SHANK2: variants seen among roughly 807,000 people sequenced by gnomAD.
SHANK2 encodes the protein SH3 and multiple ankyrin repeat domains protein 2.
Under a neutral mutation model 133.7 loss-of-function variants are expected in SHANK2, and 43 were observed. That is an observed-to-expected ratio of 0.32 (90% confidence interval 0.25 to 0.41). The LOEUF (loss-of-function observed/expected upper bound fraction) is 0.41, where lower values mean the gene tolerates loss of function less well. SHANK2 is among the 10% of genes least tolerant of loss of function. SHANK2 has a pLI of 1.00. For synonymous variants in SHANK2, 1,017 were observed against 952.8 expected (o/e 1.07, Z -1.24); for missense variants, 1,994 against 2,235.8 (o/e 0.89, Z 2.18).
At chr11:70,760,656 G>A (rs1266857700) in intron 14 of SHANK2, among the ~76,000 whole-genome samples, 1 of 152,244 alleles carries the variant, frequency 6.6e-6, no homozygotes, top group African/African-American at 2.4e-5. Context: ...ACAGTGCTGT[G>A]GGAGTGTGCA....
intron 17 of SHANK2, among the ~76,000 whole-genome samples, chr11:70,623,901 C>T (rs2060867837): frequency 6.6e-6 from 1 of 152,208 alleles, no homozygotes; most frequent in South Asian, 2.1e-4. Context: ...CAGCCTATGG[C>T]CCCTCCCAGG....
At chr11:70,602,298 A>G (rs1300337839) in intron 17 of SHANK2, among the ~76,000 whole-genome samples, 1 of 152,190 alleles carries the variant, frequency 6.6e-6, no homozygotes, top group Non-Finnish European at 1.5e-5. Flanking sequence ...CCAGTCATAG[A>G]TATTTCTTTA....
intron 15 of SHANK2, among the ~76,000 whole-genome samples, chr11:70,662,956 C>T (rs529516179): frequency 5.9e-5 from 9 of 152,204 alleles, no homozygotes; most frequent in East Asian, 3.9e-4. Context: ...TGCTGCTGCC[C>T]GGAAGTTAGT....
At chr11:70,684,492 C>T (rs531408175) in intron 15 of SHANK2, among the ~76,000 whole-genome samples, 1 of 152,222 alleles carries the variant, frequency 6.6e-6, no homozygotes, top group East Asian at 1.9e-4. Context: ...CCCAGGAATT[C>T]AAGGCTGCAA....
At chr11:71,209,495 C>T (rs1311450812) in intron 2 of SHANK2, among the ~76,000 whole-genome samples, 9 of 152,140 alleles carry the variant, frequency 5.9e-5, no homozygotes, top group African/African-American at 2.2e-4. Context: ...TTGCATAGGT[C>T]GTGCCTCCTC....
At chr11:71,247,550 C>G (rs1294311021) in intron 1 of SHANK2, among the ~76,000 whole-genome samples, 2 of 151,674 alleles carry the variant, frequency 1.3e-5, no homozygotes, top group African/African-American at 4.8e-5. Context: ...CCCAGCCCAG[C>G]AGGGCCATGG....
chr11:71,160,907 TCCAAAGAAGATGGCTTCC>T (rs1953001385), intron 2 of SHANK2, among the ~76,000 whole-genome samples: 1 of 152,240 alleles, frequency 6.6e-6, no homozygotes, highest in Non-Finnish European at 1.5e-5. Context: ...CATGTCTGTC[TCCAAAGAAGATGGCTTCC>T]AATAGAAACC....
chr11:71,075,145 C>T lies in SHANK2; in HGVS notation c.1029+14G>A, dbSNP rs915669209. ...CTGTATACATTATTTCCTTTAAATG[C>T]GCTCAGCACTCACCTGGTTGTAGAG... On this transcript the variant is annotated intron_variant, in intron 9 of 25. Coordinates refer to ENST00000601538, the MANE Select transcript of SHANK2 (RefSeq NM_012309.5). The T allele has an allele frequency of 1.0e-4, 20 of 192,362 alleles. No individual in the cohort carries two copies. The highest frequency in any genetic ancestry group is 2.4e-4 in the Admixed American group (4 of 16,550). 11.9% of individuals were successfully genotyped at this position (192,362 alleles called of 1,614,324 possible). A position where few individuals can be genotyped will look rare whatever the true frequency, so the allele number is the denominator to read the frequency against.
At chr11:70,912,922 A>C (rs553781778) in intron 10 of SHANK2, among the ~76,000 whole-genome samples, 3 of 152,242 alleles carry the variant, frequency 2.0e-5, no homozygotes, top group African/African-American at 4.8e-5. Flanking sequence ...CTGAGACAGG[A>C]ACAAAAATTG....
chr11:70,658,265 AC>A (rs2061435683), intron 17 of SHANK2, among the ~76,000 whole-genome samples: 1 of 106,770 alleles, frequency 9.4e-6, no homozygotes, highest in Non-Finnish European at 1.8e-5. Flanking sequence ...ACACACACAG[AC>A]ACACACACAC....
intron 17 of SHANK2, among the ~76,000 whole-genome samples, chr11:70,537,788 C>G (rs1004510881): frequency 1.6e-4 from 25 of 152,232 alleles, no homozygotes; most frequent in African/African-American, 5.8e-4. Flanking sequence ...AGGGGACCCT[C>G]GACATTCTGC....
At chr11:70,698,200 G>A (rs1003756267) in intron 15 of SHANK2, 2 of 192,354 alleles carry the variant, frequency 1.0e-5, no homozygotes, top group South Asian at 1.1e-4. Context: ...CAAACCTGCT[G>A]TGCTTAGAAG....
chr11:70,548,144 G>T (rs910533752), intron 17 of SHANK2, among the ~76,000 whole-genome samples: 15 of 152,244 alleles, frequency 9.9e-5, no homozygotes, highest in Non-Finnish European at 1.6e-4. Flanking sequence ...GCCGGCAGGG[G>T]TTGCCAGCAT....
chr11:70,598,926 CAAAAAAA>C (rs61220609), intron 17 of SHANK2, among the ~76,000 whole-genome samples: 1 of 113,112 alleles, frequency 8.8e-6, no homozygotes, highest in African/African-American at 3.2e-5. Context: ...AGCTGCATGT[CAAAAAAA>C]AAAAAAAAAG....
At chr11:71,093,496 A>C (rs782760107) in intron 7 of SHANK2, among the ~76,000 whole-genome samples, 10 of 151,920 alleles carry the variant, frequency 6.6e-5, no homozygotes, top group Non-Finnish European at 1.3e-4. Context: ...GAATGGCTTA[A>C]CACCACCCAC....
intron 17 of SHANK2, among the ~76,000 whole-genome samples, chr11:70,635,856 C>A (rs1555003815): frequency 6.6e-6 from 1 of 152,240 alleles, no homozygotes; most frequent in Non-Finnish European, 1.5e-5. Context: ...CGGTCACGCT[C>A]ATCTGCTGCT....
At chr11:71,089,402 C>T (rs2135090055) in intron 8 of SHANK2, among the ~76,000 whole-genome samples, 1 of 152,282 alleles carries the variant, frequency 6.6e-6, no homozygotes, top group African/African-American at 2.4e-5. Flanking sequence ...TGCTCAGAAG[C>T]ATGTCCACGC....
intron 17 of SHANK2, among the ~76,000 whole-genome samples, chr11:70,550,398 C>T (rs2059749255): frequency 6.6e-6 from 1 of 152,188 alleles, no homozygotes; most frequent in Non-Finnish European, 1.5e-5. Flanking sequence ...TGCGTACCCC[C>T]AGGTGGGCTG....
At chr11:70,512,111 T>C (rs1358820010) in intron 17 of SHANK2, among the ~76,000 whole-genome samples, 1 of 152,168 alleles carries the variant, frequency 6.6e-6, no homozygotes, top group African/African-American at 2.4e-5. Flanking sequence ...TGGCTCAGAG[T>C]TTGTGAAATG....
Sources: gnomAD v4.1 joint callset for allele counts (sites outside exome capture counted in the v4.1 genomes callset) on GRCh38, gnomAD v4.1.1 for gene constraint, MANE v1.5 for transcripts, NCBI Gene and HGNC (gene_info 2026-07-23, HGNC 2026-07-21) for gene names.